Variants in LRP6 observed in about 807,000 individuals in gnomAD.
LRP6 encodes the protein LDL receptor related protein 6.
In LRP6, 43 loss-of-function variants were observed where a neutral mutation model predicts 184.1. That is an observed-to-expected ratio of 0.23 (90% CI 0.18 to 0.30). The LOEUF (loss-of-function observed/expected upper bound fraction) is 0.30, where lower values mean the gene tolerates loss of function less well. Ranked by LOEUF, LRP6 falls within the 10% of genes least tolerant of loss-of-function variation. The pLI is 1.00. For synonymous variants in LRP6, 719 were observed against 684.9 expected (o/e 1.05, Z -0.78); for missense variants, 1,571 against 2,005.3 (o/e 0.78, Z 4.14).
At chr12:12,179,361 AAGATAT>A (rs71061019) in intron 7 of LRP6, among the ~76,000 whole-genome samples, 18,043 of 83,272 alleles carry the variant, frequency 0.22, 1,449 homozygotes, top group African/African-American at 0.3. Flanking sequence ...ACAGCAATAA[AAGATAT>A]AGATATAGAT....
intron 18 of LRP6, 151 bp from the exon 19 acceptor site, chr12:12,131,044 TGAGA>T (rs913004258): frequency 2.1e-5 from 12 of 568,206 alleles, no homozygotes; most frequent in Non-Finnish European, 3.4e-5. Flanking sequence ...TTCCATTGGT[TGAGA>T]GAGAGAAAAA....
chr12:12,150,618 T>A (rs1368809409), intron 13 of LRP6, among the ~76,000 whole-genome samples: 1 of 152,160 alleles, frequency 6.6e-6, no homozygotes, highest in East Asian at 1.9e-4. Context: ...CACAACAGCT[T>A]AAGTACGCCT....
chr12:12,230,573 A>G (rs1403635633), intron 2 of LRP6, among the ~76,000 whole-genome samples: 3 of 152,198 alleles, frequency 2.0e-5, no homozygotes, highest in East Asian at 1.9e-4. Flanking sequence ...AGTTACTTAT[A>G]TAATCCTATC....
At position 12,181,356 on chromosome 12, in the gene LRP6, G is replaced by T; in HGVS notation, c.1060C>A (p.Leu354Met). Residue 354 changes from leucine (L) to methionine (M), a missense_variant, in exon 6 of 23, where the codon CTG (leucine) becomes ATG (methionine). Physicochemically the swap from Leu to Met is conservative, Grantham distance 15 (BLOSUM62 2). Around this residue, in one of 4 missense-constraint regions of LRP6, gnomAD observed 640 missense variants for 851.9 expected, o/e 0.75. Transcript: ENST00000261349. Reference protein sequence around the residue: ...LDTPDFTDIVLQLEDIRHAIA... With the variant: ...LDTPDFTDIVMQLEDIRHAIA... Reference sequence around the variant, plus strand: ...GCATGACGGATGTCTTCTAACTGCAGAACAATGTCTGTAAAATCTGGTGTA... The same window carrying T: ...GCATGACGGATGTCTTCTAACTGCATAACAATGTCTGTAAAATCTGGTGTA... The T allele has an allele frequency of 1.9e-6, 3 of 1,611,290 alleles. No individual in the cohort carries two copies. The highest frequency in any genetic ancestry group is 2.5e-6 in the Non-Finnish European group (3 of 1,177,484).
chr12:12,249,221 A>AC (rs1324999097), intron 1 of LRP6: 3 of 811,178 alleles, frequency 3.7e-6, no homozygotes, highest in African/African-American at 1.7e-5. Flanking sequence ...ACCCAGAAGC[A>AC]CCCCCCTTTG....
intron 1 of LRP6, among the ~76,000 whole-genome samples, chr12:12,262,544 CGA>C (rs1353335342): frequency 6.9e-6 from 1 of 143,974 alleles, no homozygotes; most frequent in Non-Finnish European, 1.5e-5. Context: ...AGCGACAGAG[CGA>C]GACTCCGTCT....
At chr12:12,131,096 C>CTTTT (rs1949746766) in intron 18 of LRP6, among the ~76,000 whole-genome samples, 5 of 105,382 alleles carry the variant, frequency 4.7e-5, no homozygotes, top group African/African-American at 1.7e-4. Flanking sequence ...AATTTCCTAA[C>CTTTT]ATTTTTTTTT....
In LRP6 at chr12:12,232,121, C is replaced by T. The variant is rs368228454; in HGVS notation, c.449+12141G>A. On this transcript the variant is annotated intron_variant, in intron 2 of 22. Transcript: ENST00000261349. ...GTGGTCGGCTGGGCACGGTGGCTCA[C>T]GACTGTAATCCCAGCACTTTAGGAG... Among the ~76,000 whole-genome samples, 30 of 152,084 alleles carry T rather than the reference C, an allele frequency of 2.0e-4. No homozygotes were observed. In the East Asian group the frequency reaches 5.6e-3, roughly 28 times the overall value.
Position 12,120,320 on chromosome 12 carries a change from G to A in LRP6, c.*806C>T, listed in dbSNP as rs1273789736. The A allele has an allele frequency of 6.6e-6, 1 of 151,972 alleles. No individual in the cohort carries two copies. Among genetic ancestry groups the A allele is most frequent in the Non-Finnish European group, 1.5e-5 (1 of 68,008 alleles). The allele number at this position is 151,972 out of a possible 1,614,324, so 9.4% of individuals were successfully genotyped here. A position where few individuals can be genotyped will look rare whatever the true frequency, so the allele number is the denominator to read the frequency against. On this transcript the variant is annotated 3_prime_UTR_variant, in exon 23 of 23. Transcript: ENST00000261349. ...AGTTTAATTTAGAAAATTCCATTTA[G>A]TCAATGCTTCAGCTTAAAAAAATCA...
intron 3 of LRP6, among the ~76,000 whole-genome samples, chr12:12,189,790 C>T (rs189930667): frequency 2.4e-4 from 36 of 152,092 alleles, no homozygotes; most frequent in Non-Finnish European, 1.0e-4. Context: ...CGTGAGCCAC[C>T]GAGCCCGGCC....
At chr12:12,198,086 T>C (rs1270824210) in intron 3 of LRP6, among the ~76,000 whole-genome samples, 1 of 152,180 alleles carries the variant, frequency 6.6e-6, no homozygotes, top group East Asian at 1.9e-4. Context: ...GCTCGGCTAA[T>C]TTTTGTATTT....
chr12:12,190,430 C>CACTG lies in LRP6; in HGVS notation c.648-3315_648-3312dup, dbSNP rs561109985. ...AAGAAACAGAGACTCCCCCCAACCT[C>CACTG]ACTGAAGTTTTCATATAGTGCTTGC... On this transcript the variant is annotated intron_variant, in intron 3 of 22. Coordinates refer to ENST00000261349, the MANE Select transcript of LRP6 (RefSeq NM_002336.3). Among the ~76,000 whole-genome samples the CACTG allele has an allele frequency of 1.6e-3, 250 of 152,340 alleles. 2 individuals carry two copies. Among genetic ancestry groups the CACTG allele is most frequent in the South Asian group, 3.5e-3 (17 of 4,826 alleles).
intron 2 of LRP6, among the ~76,000 whole-genome samples, chr12:12,235,640 G>GA (rs1864912854): frequency 6.6e-6 from 1 of 151,752 alleles, no homozygotes; most frequent in Non-Finnish European, 1.5e-5. Flanking sequence ...TGAAGCAGGA[G>GA]AATCACTTGA....
chr12:12,135,322 A>C, intron 16 of LRP6, 22 bp from the exon 17 acceptor site: 9 of 1,389,794 alleles, frequency 6.5e-6, no homozygotes, highest in East Asian at 5.6e-5. Flanking sequence ...AGAGGTGAGG[A>C]TGGGGAGAGG....
intron 3 of LRP6, 33 bp downstream of exon 3, chr12:12,203,170 C>G (rs756425398): frequency 3.9e-6 from 6 of 1,523,274 alleles, no homozygotes. Context: ...ATCGAGTTTT[C>G]TTAAAAGTTT....
intron 2 of LRP6, among the ~76,000 whole-genome samples, chr12:12,206,836 T>A (rs1359688133): frequency 6.6e-6 from 1 of 151,818 alleles, no homozygotes; most frequent in Admixed American, 6.6e-5. Context: ...GCCTGCGGTT[T>A]GGGAAAAAAC....
intron 20 of LRP6, among the ~76,000 whole-genome samples, chr12:12,126,062 C>T (rs1041201683): frequency 9.9e-5 from 15 of 152,088 alleles, no homozygotes; most frequent in African/African-American, 3.1e-4. Flanking sequence ...TGCAAGGCAC[C>T]GCCTTCTCCA....
chr12:12,184,122 T>C lies in LRP6; in HGVS notation c.845-11A>G. 2 of 1,611,636 alleles carry C rather than the reference T, an allele frequency of 1.2e-6. No individual in the cohort carries two copies. The highest frequency in any genetic ancestry group is 1.7e-6 in the Non-Finnish European group (2 of 1,177,904). Reference sequence around the variant, plus strand: ...CACATGGATTTGTGGCTGTCAAATATAAATCACATTGATTAATATCAATGA... The same window carrying C: ...CACATGGATTTGTGGCTGTCAAATACAAATCACATTGATTAATATCAATGA... On this transcript the variant is annotated splice_polypyrimidine_tract_variant and intron_variant, in intron 4 of 22. Transcript: ENST00000261349.
rs139180912 is a variant in LRP6, at chr12:12,160,756, G to A, written c.2280-792C>T. 2.0e-5 allele frequency among the ~76,000 whole-genome samples: 3 copies of A among 152,334 alleles called. No individual in the cohort carries two copies. The East Asian group carries it at 5.8e-4, about 29-fold the overall frequency. On this transcript the variant is annotated intron_variant, in intron 10 of 22. Coordinates refer to ENST00000261349, the MANE Select transcript of LRP6 (RefSeq NM_002336.3). The stretch of plus-strand genomic sequence containing the variant: ...TGAACAACTTATCTAATGTCTTCAA[G>A]CCAGTTAGATGACAGAGCTAGAACT...
Sources: gnomAD v4.1 joint callset for allele counts (sites outside exome capture counted in the v4.1 genomes callset) on GRCh38, gnomAD v4.1.1 for gene constraint, gnomAD v4.1.1 regional missense constraint, MANE v1.5 for transcripts, NCBI Gene and HGNC (gene_info 2026-07-23, HGNC 2026-07-21) for gene names.